Variants in TTBK2 observed in about 807,000 individuals in gnomAD.
The protein encoded by TTBK2 is tau tubulin kinase 2.
Under a neutral mutation model 110.8 loss-of-function variants are expected in TTBK2, and 28 were observed. That is an observed-to-expected ratio of 0.25 (90% CI 0.19 to 0.35). The LOEUF is 0.35. Ranked by LOEUF, TTBK2 falls within the 10% of genes least tolerant of loss-of-function variation. The pLI, the probability that TTBK2 is intolerant of heterozygous loss-of-function variation, is 1.00. For missense variants in TTBK2, 1,369 were observed against 1,500.3 expected (o/e 0.91, Z 1.45); for synonymous variants, 532 against 527.3 (o/e 1.01, Z -0.12).
intron 6 of TTBK2, among the ~76,000 whole-genome samples, chr15:42,821,481 C>T (rs1478732499): frequency 6.6e-6 from 1 of 152,100 alleles, no homozygotes; most frequent in Non-Finnish European, 1.5e-5. Flanking sequence ...GACATAAAGT[C>T]ATATAACTAC....
intron 10 of TTBK2, 152 bp downstream of exon 10, chr15:42,794,492 G>T (rs571456203): frequency 4.3e-5 from 44 of 1,032,420 alleles, no homozygotes; most frequent in African/African-American, 6.3e-5. Flanking sequence ...AATTCCAAAG[G>T]CGTACATAAG....
chr15:42,765,707 C>T (rs1297616709), intron 13 of TTBK2, among the ~76,000 whole-genome samples: 2 of 152,118 alleles, frequency 1.3e-5, no homozygotes, highest in Admixed American at 6.5e-5. Context: ...GGATATTATC[C>T]AGGAGAACTT....
intron 11 of TTBK2, 116 bp downstream of exon 11, chr15:42,783,300 AAGG>A (rs1454420640): frequency 1.1e-6 from 1 of 934,508 alleles, no homozygotes; most frequent in Non-Finnish European, 1.7e-6. Flanking sequence ...AGGACTCAGC[AAGG>A]AGGAGCCACA....
intron 3 of TTBK2, among the ~76,000 whole-genome samples, chr15:42,858,250 A>C (rs76266894): frequency 0.042 from 6,445 of 152,196 alleles, 450 homozygotes; most frequent in African/African-American, 0.14. Flanking sequence ...TAGGAACACA[A>C]ATCTATAAAA....
intron 10 of TTBK2, among the ~76,000 whole-genome samples, chr15:42,788,417 G>T (rs559553837): frequency 6.1e-4 from 93 of 152,148 alleles, no homozygotes; most frequent in African/African-American, 2.2e-3. Flanking sequence ...ACCTTACTAC[G>T]ATCACGCTGT....
chr15:42,812,234 A>T (rs1247065259), intron 7 of TTBK2, among the ~76,000 whole-genome samples: 1 of 151,882 alleles, frequency 6.6e-6, no homozygotes, highest in Non-Finnish European at 1.5e-5. Context: ...ACTGAGATAC[A>T]CCCCACCCCC....
Position 42,811,838 on chromosome 15 carries a change from T to C in TTBK2, c.604-58A>G, listed in dbSNP as rs975498185. Reference sequence around the variant, plus strand: ...CATTATTACTTGTGAGTACATTACATTGTTCAAGGTCTAACCATTTTGTTT... The same window carrying C: ...CATTATTACTTGTGAGTACATTACACTGTTCAAGGTCTAACCATTTTGTTT... On this transcript the variant is annotated intron_variant, in intron 7 of 14. Transcript: ENST00000267890. 1.1e-5 allele frequency: 17 copies of C among 1,502,772 alleles called. 1 individual carries two copies. Among genetic ancestry groups the C allele is most frequent in the South Asian group, 5.7e-5 (5 of 87,456 alleles). The allele number at this position is 1,502,772 out of a possible 1,614,324, so 93.1% of individuals were successfully genotyped here.
intron 14 of TTBK2, among the ~76,000 whole-genome samples, chr15:42,750,572 A>G (rs1341377211): frequency 1.3e-5 from 2 of 151,950 alleles, no homozygotes; most frequent in South Asian, 2.1e-4. Flanking sequence ...GAGGTACAGA[A>G]AAAAAAAGGA....
At chr15:42,854,203 T>C (rs1162128998) in intron 3 of TTBK2, among the ~76,000 whole-genome samples, 1 of 152,218 alleles carries the variant, frequency 6.6e-6, no homozygotes, top group Admixed American at 6.5e-5. Context: ...CCTCCCAAAG[T>C]GCTAGGATTA....
rs2061734091 is a variant in TTBK2, at chr15:42,739,054, T to C, written c.*6741A>G. 1 of 152,198 alleles carries C rather than the reference T, an allele frequency of 6.6e-6. No individual in the cohort carries two copies. The highest frequency in any genetic ancestry group is 1.5e-5 in the Non-Finnish European group (1 of 68,030). The allele number at this position is 152,198 out of a possible 1,614,324, so 9.4% of individuals were successfully genotyped here. ...AATTTTAAAACAGAACTTAAAACAC[T>C]GTACAAAGCTTTAATATGATACAAA... On this transcript the variant is annotated 3_prime_UTR_variant, in exon 15 of 15. Transcript: ENST00000267890.
At chr15:42,862,721 T>C (rs1299914419) in intron 3 of TTBK2, among the ~76,000 whole-genome samples, 1 of 152,006 alleles carries the variant, frequency 6.6e-6, no homozygotes, top group Non-Finnish European at 1.5e-5. Context: ...AAACCCTGTC[T>C]CTACTAAAAA....
chr15:42,774,416 A>G (rs1889810616), intron 13 of TTBK2, among the ~76,000 whole-genome samples: 1 of 152,158 alleles, frequency 6.6e-6, no homozygotes, highest in Admixed American at 6.5e-5. Context: ...CACCAGGGGC[A>G]CCACTGTTTA....
intron 1 of TTBK2, among the ~76,000 whole-genome samples, chr15:42,899,889 C>T (rs935483700): frequency 6.7e-6 from 1 of 150,060 alleles, no homozygotes; most frequent in Admixed American, 6.7e-5. Flanking sequence ...GCAACAAGAG[C>T]GAAACTCCAT....
At chr15:42,817,583 T>C (rs1401565372) in intron 6 of TTBK2, among the ~76,000 whole-genome samples, 2 of 152,188 alleles carry the variant, frequency 1.3e-5, no homozygotes, top group African/African-American at 2.4e-5. Flanking sequence ...CCTACCTCCA[T>C]ATGCAATTCA....
intron 5 of TTBK2, among the ~76,000 whole-genome samples, chr15:42,828,753 C>A (rs1323188475): frequency 1.3e-5 from 2 of 150,976 alleles, no homozygotes; most frequent in Admixed American, 1.3e-4. Context: ...TTCCTATAAG[C>A]ATCATAAAGC....
At chr15:42,870,299 G>A (rs1894565162) in intron 3 of TTBK2, among the ~76,000 whole-genome samples, 1 of 152,158 alleles carries the variant, frequency 6.6e-6, no homozygotes, top group Admixed American at 6.5e-5. Flanking sequence ...CAGCATGGGG[G>A]AAGGTCACTC....
chr15:42,889,581 C>A (rs749429024), intron 1 of TTBK2, among the ~76,000 whole-genome samples: 2 of 152,174 alleles, frequency 1.3e-5, no homozygotes, highest in Non-Finnish European at 2.9e-5. Context: ...TTACGCTAAA[C>A]CCCCTTGGGC....
At chr15:42,788,968 C>G (rs1485474136) in intron 10 of TTBK2, among the ~76,000 whole-genome samples, 1 of 152,088 alleles carries the variant, frequency 6.6e-6, no homozygotes, top group Admixed American at 6.5e-5. Flanking sequence ...GTAAAATGGT[C>G]ATTACAGGGA....
intron 1 of TTBK2, among the ~76,000 whole-genome samples, chr15:42,915,176 G>A (rs1009935365): frequency 2.6e-5 from 4 of 152,180 alleles, no homozygotes; most frequent in African/African-American, 4.8e-5. Context: ...CAATTCATAC[G>A]TTTTAAATTG....
Sources: gnomAD v4.1 joint callset for allele counts (sites outside exome capture counted in the v4.1 genomes callset) on GRCh38, gnomAD v4.1.1 for gene constraint, MANE v1.5 for transcripts, NCBI Gene and HGNC (gene_info 2026-07-23, HGNC 2026-07-21) for gene names.